The following LRMDA variants were observed in gnomAD, a reference collection of about 807,000 sequenced individuals.
LRMDA encodes leucine-rich melanocyte differentiation-associated protein.
A neutral mutation model predicts 29.8 loss-of-function variants in LRMDA; 18 were observed. That is an observed-to-expected ratio of 0.60 (90% CI 0.42 to 0.90). LRMDA has a LOEUF of 0.90. Ranked by LOEUF, LRMDA falls within the 40% of genes least tolerant of loss-of-function variation. The probability of loss-of-function intolerance (pLI) is 0.00; values close to 1 mark genes in which losing one functional copy is unlikely to be tolerated. For missense variants in LRMDA, 273 were observed against 273.9 expected (o/e 1.00, Z 0.02); for synonymous variants, 125 against 109.4 (o/e 1.14, Z -0.89).
intron 6 of LRMDA, among the ~76,000 whole-genome samples, chr10:76,377,385 G>C: frequency 6.6e-6 from 1 of 152,108 alleles, no homozygotes; most frequent in East Asian, 1.9e-4. Flanking sequence ...TTGCTATGCA[G>C]AAGCTTTTTA....
chr10:76,266,825 TA>T (rs1352074387), intron 5 of LRMDA, among the ~76,000 whole-genome samples: 1 of 152,216 alleles, frequency 6.6e-6, no homozygotes, highest in Non-Finnish European at 1.5e-5. Context: ...ATTTGAAACT[TA>T]ATTTCAAAAT....
chr10:75,673,080 G>A (rs1043897966), intron 2 of LRMDA, among the ~76,000 whole-genome samples: 1 of 151,922 alleles, frequency 6.6e-6, no homozygotes. Context: ...CCTGCTGCTG[G>A]TATGTGGTGT....
At chr10:76,054,083 G>A (rs61862702) in intron 4 of LRMDA, among the ~76,000 whole-genome samples, 18 of 152,282 alleles carry the variant, frequency 1.2e-4, no homozygotes, top group Non-Finnish European at 2.6e-4. Context: ...CCTCATGTTG[G>A]TACTTGACTC....
chr10:76,484,311 G>A (rs1842761299), intron 6 of LRMDA, among the ~76,000 whole-genome samples: 1 of 150,798 alleles, frequency 6.6e-6, no homozygotes, highest in South Asian at 2.1e-4. Flanking sequence ...GAAGTTCTTT[G>A]CCTTTCTATA....
chr10:75,889,787 C>T (rs1845452320), intron 2 of LRMDA, among the ~76,000 whole-genome samples: 1 of 152,174 alleles, frequency 6.6e-6, no homozygotes. Flanking sequence ...TGGAATGGCC[C>T]AAGCCCTCCC....
At chr10:75,546,866 A>G (rs1473563956) in intron 2 of LRMDA, among the ~76,000 whole-genome samples, 2 of 152,218 alleles carry the variant, frequency 1.3e-5, no homozygotes, top group African/African-American at 4.8e-5. Flanking sequence ...TCTATGTGAT[A>G]TACATGTATT....
intron 6 of LRMDA, among the ~76,000 whole-genome samples, chr10:76,398,000 C>G (rs1841806733): frequency 6.6e-6 from 1 of 152,226 alleles, no homozygotes; most frequent in South Asian, 2.1e-4. Context: ...TTATGCCCTG[C>G]AGGTCAAAAT....
At chr10:76,299,200 C>G (rs1039447989) in intron 5 of LRMDA, among the ~76,000 whole-genome samples, 4 of 146,810 alleles carry the variant, frequency 2.7e-5, no homozygotes, top group African/African-American at 1.0e-4. Flanking sequence ...CATGCACGCA[C>G]GCGCAATATG....
At chr10:76,483,062 T>TC (rs1413684064) in intron 6 of LRMDA, among the ~76,000 whole-genome samples, 3 of 152,000 alleles carry the variant, frequency 2.0e-5, no homozygotes, top group Admixed American at 2.0e-4. Flanking sequence ...CAGTCTTTGT[T>TC]CATTTTTTAA....
chr10:75,932,635 GA>G, intron 2 of LRMDA, among the ~76,000 whole-genome samples: 1 of 149,404 alleles, frequency 6.7e-6, no homozygotes, highest in Non-Finnish European at 1.5e-5. Flanking sequence ...CAAAACAACA[GA>G]AAAAAAAACC....
intron 5 of LRMDA, among the ~76,000 whole-genome samples, chr10:76,235,924 C>A (rs918559393): frequency 3.9e-5 from 6 of 152,150 alleles, no homozygotes; most frequent in African/African-American, 1.4e-4. Context: ...GAGCTACTTC[C>A]GTGTGTGCAG....
At chr10:76,125,998 C>T (rs569028654) in intron 5 of LRMDA, among the ~76,000 whole-genome samples, 1 of 152,328 alleles carries the variant, frequency 6.6e-6, no homozygotes, top group South Asian at 2.1e-4. Context: ...TCCTTTTCCC[C>T]TTTGTTCTTG....
At chr10:76,008,400 CT>C (rs556888742) in intron 2 of LRMDA, among the ~76,000 whole-genome samples, 1,760 of 149,574 alleles carry the variant, frequency 0.012, 36 homozygotes, top group African/African-American at 0.04. Flanking sequence ...AGTTTAAACA[CT>C]TTTTTTTTTG....
chr10:75,648,502 G>T (rs1336226551), intron 2 of LRMDA, among the ~76,000 whole-genome samples: 1 of 152,150 alleles, frequency 6.6e-6, no homozygotes, highest in Non-Finnish European at 1.5e-5. Context: ...TTCAGATTTT[G>T]TGCTGCTCCA....
intron 2 of LRMDA, among the ~76,000 whole-genome samples, chr10:75,915,902 G>A (rs187844054): frequency 1.7e-3 from 261 of 152,330 alleles, no homozygotes; most frequent in African/African-American, 4.1e-3. Context: ...AATACTTAAT[G>A]AGGGAGTGGT....
chr10:76,018,875 G>A (rs1028358230), intron 2 of LRMDA, among the ~76,000 whole-genome samples: 5 of 152,226 alleles, frequency 3.3e-5, no homozygotes, highest in Non-Finnish European at 7.4e-5. Context: ...TGGCCCTGGA[G>A]ACTCTTAAGA....
intron 2 of LRMDA, among the ~76,000 whole-genome samples, chr10:75,726,342 G>A (rs1022079242): frequency 2.0e-5 from 3 of 152,318 alleles, no homozygotes; most frequent in African/African-American, 7.2e-5. Flanking sequence ...GAGTGTTCAT[G>A]TTTACACATA....
chr10:75,530,037 A>G (rs1564793617), intron 2 of LRMDA, among the ~76,000 whole-genome samples: 2 of 152,060 alleles, frequency 1.3e-5, no homozygotes, highest in African/African-American at 2.4e-5. Flanking sequence ...TATTTTTGTA[A>G]CCATAGAATT....
chr10:75,607,927 A>T (rs1348701838), intron 2 of LRMDA, among the ~76,000 whole-genome samples: 1 of 139,732 alleles, frequency 7.2e-6, no homozygotes, highest in African/African-American at 2.7e-5. Context: ...GGTTGCCTGG[A>T]GTGGTTAAAA....
Sources: gnomAD v4.1 joint callset for allele counts (sites outside exome capture counted in the v4.1 genomes callset) on GRCh38, gnomAD v4.1.1 for gene constraint, MANE v1.5 for transcripts, NCBI Gene and HGNC (gene_info 2026-07-23, HGNC 2026-07-21) for gene names.